GRIK4: variants seen among roughly 807,000 people sequenced by gnomAD.
GRIK4 encodes the protein glutamate receptor ionotropic, kainate 4.
A neutral mutation model predicts 104.9 loss-of-function variants in GRIK4; 40 were observed. The ratio of observed to expected loss-of-function variants is 0.38; its 90% CI spans 0.30 to 0.50. The LOEUF is 0.50. Ranked by LOEUF, GRIK4 falls within the 20% of genes least tolerant of loss-of-function variation. The pLI is 0.93. For missense variants in GRIK4, 1,047 were observed against 1,308.1 expected, an observed-to-expected ratio of 0.80 and a Z score of 3.08; for synonymous variants, 485 against 524.9, an observed-to-expected ratio of 0.92 and a Z score of 1.04.
rs538654745 is a variant in GRIK4, at chr11:120,566,706, G to GT, written c.-159+54835dup. Among the ~76,000 whole-genome samples the GT allele has an allele frequency of 9.5e-3, 1,294 of 136,260 alleles. 12 individuals carry two copies. The highest frequency in any genetic ancestry group is 0.016 in the African/African-American group (602 of 38,026). 89.4% of individuals were successfully genotyped at this position (136,260 alleles called of 152,430 possible). On this transcript the variant is annotated intron_variant, in intron 1 of 20. Coordinates refer to ENST00000527524, the MANE Select transcript of GRIK4 (RefSeq NM_014619.5). ...ATTTTTTTTCTTGTTTATACCCTCA[G>GT]TTTTTTTTTTTTTTTTGAGACGGCG...
chr11:120,832,038 C>G lies in GRIK4; in HGVS notation c.690+8C>G, dbSNP rs1953443737. ...CACACCATCCTCCTGAAGGTGGGAGCCTCCCTCTCTCCCCCACCCCCTGCT... is the reference window on the plus strand; with the variant it reads ...CACACCATCCTCCTGAAGGTGGGAGGCTCCCTCTCTCCCCCACCCCCTGCT... On this transcript the variant is annotated splice_region_variant and intron_variant, in intron 7 of 20. Coordinates refer to ENST00000527524, the MANE Select transcript of GRIK4 (RefSeq NM_014619.5). The G allele has an allele frequency of 1.3e-6, 2 of 1,593,870 alleles. No homozygotes were observed. Among genetic ancestry groups the G allele is most frequent in the African/African-American group, 2.7e-5 (2 of 74,634 alleles).
chr11:120,901,959 T>C (rs1401304546), intron 12 of GRIK4, among the ~76,000 whole-genome samples: 1 of 152,200 alleles, frequency 6.6e-6, no homozygotes, highest in African/African-American at 2.4e-5. Flanking sequence ...CAAACAACTA[T>C]TAGCCTTGGT....
chr11:120,608,427 T>C (rs1222485965), intron 1 of GRIK4, among the ~76,000 whole-genome samples: 2 of 152,272 alleles, frequency 1.3e-5, no homozygotes, highest in Non-Finnish European at 2.9e-5. Context: ...CAAAGGCTCT[T>C]GGGGCCAGCC....
At position 120,905,771 on chromosome 11, in the gene GRIK4, G is replaced by A. The variant is rs1264527982; in HGVS notation, c.1476+278G>A. On this transcript the variant is annotated intron_variant, in intron 13 of 20. Transcript: ENST00000527524. This position sits in a 1 kb window ranked among gnomAD's most constrained non-coding sequence, Gnocchi z 5.1. ...TGATTAACACAGATGAGGGAGTTTG[G>A]GTTCCATTTTTGGTGCTTTTTGATT... Among the ~76,000 whole-genome samples, 1 of 152,132 alleles carries A rather than the reference G, an allele frequency of 6.6e-6. No individual in the cohort carries two copies. Among genetic ancestry groups the A allele is most frequent in the Non-Finnish European group, 1.5e-5 (1 of 68,030 alleles).
At chr11:120,676,215 G>A (rs1950097099) in intron 3 of GRIK4, among the ~76,000 whole-genome samples, 1 of 152,128 alleles carries the variant, frequency 6.6e-6, no homozygotes, top group South Asian at 2.1e-4. Flanking sequence ...CGCCTCACAA[G>A]CTCACTGAGC....
At chr11:120,699,523 T>G (rs965537388) in intron 3 of GRIK4, among the ~76,000 whole-genome samples, 9 of 148,538 alleles carry the variant, frequency 6.1e-5, no homozygotes, top group African/African-American at 1.3e-4. Flanking sequence ...ATATAAACAG[T>G]AAGTCAGGTG....
At chr11:120,937,918 A>G (rs1210405700) in intron 13 of GRIK4, among the ~76,000 whole-genome samples, 1 of 152,238 alleles carries the variant, frequency 6.6e-6, no homozygotes, top group Non-Finnish European at 1.5e-5. Flanking sequence ...GCGTGTGAGG[A>G]AAATAAACTT....
chr11:120,917,639 G>A (rs1393533495), intron 13 of GRIK4, among the ~76,000 whole-genome samples: 2 of 152,206 alleles, frequency 1.3e-5, no homozygotes, highest in Non-Finnish European at 1.5e-5. Flanking sequence ...ATTTGAAACA[G>A]ACTTCAGAAT....
chr11:120,632,734 A>C (rs1949347089), intron 1 of GRIK4, among the ~76,000 whole-genome samples: 1 of 151,972 alleles, frequency 6.6e-6, no homozygotes, highest in African/African-American at 2.4e-5. Context: ...GATTCTGAGG[A>C]TCTCCTGCAA....
intron 1 of GRIK4, among the ~76,000 whole-genome samples, chr11:120,565,650 G>A (rs1035825356): frequency 6.6e-6 from 1 of 152,152 alleles, no homozygotes; most frequent in African/African-American, 2.4e-5. Context: ...AGGAGAAGGG[G>A]GCCTCCAGCG....
chr11:120,551,920 G>C (rs1591689251), intron 1 of GRIK4, among the ~76,000 whole-genome samples: 1 of 152,362 alleles, frequency 6.6e-6, no homozygotes, highest in Non-Finnish European at 1.5e-5. Flanking sequence ...TTCCTGGAGG[G>C]TGGTGCCTGG....
intron 3 of GRIK4, among the ~76,000 whole-genome samples, chr11:120,748,994 A>G (rs1296905409): frequency 6.6e-6 from 1 of 152,156 alleles, no homozygotes; most frequent in African/African-American, 2.4e-5. Context: ...TCCAGGCTTT[A>G]TGGCCATTTT....
rs1446199300 is a variant in GRIK4, at chr11:120,928,229, A to AAT, written c.1477-12117_1477-12116insTA. Among the ~76,000 whole-genome samples, 4 of 150,808 alleles carry AAT rather than the reference A, an allele frequency of 2.7e-5. No individual in the cohort carries two copies. In the East Asian group the frequency reaches 5.8e-4, roughly 22 times the overall value. On this transcript the variant is annotated intron_variant, in intron 13 of 20. Transcript: ENST00000527524. ...ACTCCGTCTTAAAAAAAAAAAAAAAAAGCTAGAAGGCGACACGGAGAAAAA... is the reference window on the plus strand; with the variant it reads ...ACTCCGTCTTAAAAAAAAAAAAAAAAATAGCTAGAAGGCGACACGGAGAAAAA...
chr11:120,653,122 T>G (rs1324594950), intron 1 of GRIK4, among the ~76,000 whole-genome samples: 1 of 152,156 alleles, frequency 6.6e-6, no homozygotes, highest in African/African-American at 2.4e-5. Flanking sequence ...TTTGACAGTA[T>G]TTATGTGTAG....
At chr11:120,659,688 T>A (rs1216491815) in intron 2 of GRIK4, among the ~76,000 whole-genome samples, 2 of 152,120 alleles carry the variant, frequency 1.3e-5, no homozygotes, top group Non-Finnish European at 2.9e-5. Flanking sequence ...TCCCATCCCT[T>A]CCTCTTCTGC....
At chr11:120,873,996 C>T in intron 9 of GRIK4, 70 bp from the exon 10 acceptor site, 1 of 1,333,708 alleles carries the variant, frequency 7.5e-7, no homozygotes, top group Non-Finnish European at 1.0e-6. Flanking sequence ...CTCTTATTTT[C>T]TCCCTCCCCT....
At chr11:120,960,305 G>T (rs1284920013) in intron 16 of GRIK4, among the ~76,000 whole-genome samples, 1 of 152,128 alleles carries the variant, frequency 6.6e-6, no homozygotes, top group Non-Finnish European at 1.5e-5. Flanking sequence ...CTCCAGCCTG[G>T]CAACAGAGCA....
chr11:120,804,361 CAGGCCCA>C (rs1952675336), intron 4 of GRIK4, among the ~76,000 whole-genome samples: 1 of 152,246 alleles, frequency 6.6e-6, no homozygotes, highest in African/African-American at 2.4e-5. Flanking sequence ...TACATCCACA[CAGGCCCA>C]AGCATCACAT....
At chr11:120,556,367 C>T (rs1314569491) in intron 1 of GRIK4, among the ~76,000 whole-genome samples, 1 of 152,180 alleles carries the variant, frequency 6.6e-6, no homozygotes, top group East Asian at 1.9e-4. Flanking sequence ...CACCTGTCCT[C>T]TCTCCACTCC....
Sources: allele counts gnomAD v4.1 joint callset (sites outside exome capture counted in the v4.1 genomes callset), GRCh38; gene constraint gnomAD v4.1.1; non-coding constraint Gnocchi (gnomAD v3.1); transcripts MANE v1.5; gene names NCBI Gene and HGNC (gene_info 2026-07-23, HGNC 2026-07-21).